SENP7: variants seen among roughly 807,000 people sequenced by gnomAD.
SENP7 encodes sentrin-specific protease 7.
A neutral mutation model predicts 141.2 loss-of-function variants in SENP7; 64 were observed. That is an observed-to-expected ratio of 0.45 (90% CI 0.37 to 0.56). SENP7 has a LOEUF of 0.56. Among genes scored for constraint, SENP7 ranks in the 20% least tolerant of loss-of-function variants. The probability of loss-of-function intolerance (pLI) is 0.00; values close to 1 mark genes in which losing one functional copy is unlikely to be tolerated. For missense variants in SENP7, 1,025 were observed against 1,212.2 expected (o/e 0.85, Z 2.29); for synonymous variants, 382 against 426.4 (o/e 0.90, Z 1.28).
intron 5 of SENP7, among the ~76,000 whole-genome samples, chr3:101,401,207 G>A (rs1197247855): frequency 6.6e-6 from 1 of 152,056 alleles, no homozygotes; most frequent in Non-Finnish European, 1.5e-5. Flanking sequence ...TTGTGAATGA[G>A]AAAGAATAGT....
At chr3:101,404,156 A>G (rs187705218) in intron 5 of SENP7, among the ~76,000 whole-genome samples, 1 of 152,206 alleles carries the variant, frequency 6.6e-6, no homozygotes, top group East Asian at 1.9e-4. Context: ...ATCACCTTAC[A>G]TCCCTTCAAA....
chr3:101,386,842 G>A (rs562872185), intron 6 of SENP7, among the ~76,000 whole-genome samples: 4 of 152,340 alleles, frequency 2.6e-5, no homozygotes, highest in South Asian at 2.1e-4. Flanking sequence ...AGAGGGTCTG[G>A]GGACCAGCCT....
chr3:101,416,149 A>G (rs1474833676), intron 5 of SENP7, among the ~76,000 whole-genome samples: 1 of 152,204 alleles, frequency 6.6e-6, no homozygotes, highest in Non-Finnish European at 1.5e-5. Context: ...AGCTGAGGAA[A>G]GAGGTCTGGA....
At chr3:101,412,778 T>C (rs938234557) in intron 5 of SENP7, among the ~76,000 whole-genome samples, 10 of 152,218 alleles carry the variant, frequency 6.6e-5, no homozygotes, top group African/African-American at 9.6e-5. Context: ...CAAAGACTTA[T>C]AGATGTCTGG....
intron 17 of SENP7, among the ~76,000 whole-genome samples, chr3:101,334,382 G>A (rs2059132530): frequency 6.6e-6 from 1 of 152,052 alleles, no homozygotes; most frequent in African/African-American, 2.4e-5. Flanking sequence ...GTGACTTCTG[G>A]CTCAGTCCCT....
chr3:101,413,748 G>T lies in SENP7; in HGVS notation c.482+3845C>A, dbSNP rs185275263. Among the ~76,000 whole-genome samples, 631 of 151,324 alleles carry T rather than the reference G, an allele frequency of 4.2e-3. 3 individuals carry two copies. The highest frequency in any genetic ancestry group is 6.8e-3 in the Non-Finnish European group (460 of 67,772). On this transcript the variant is annotated intron_variant, in intron 5 of 23. Coordinates refer to ENST00000394095, the MANE Select transcript of SENP7 (RefSeq NM_020654.5). ...AAAAAAAAAAGGGAGGGGGGGGATA[G>T]TTTCCAAGACAAGAAAACAAACAGG...
intron 3 of SENP7, among the ~76,000 whole-genome samples, chr3:101,461,734 T>C (rs1436163990): frequency 6.6e-6 from 1 of 152,094 alleles, no homozygotes; most frequent in African/African-American, 2.4e-5. Flanking sequence ...AGAAGCATTA[T>C]TCAATAACAG....
Position 101,330,214 on chromosome 3 carries a change from A to G in SENP7, c.2751+120T>C, listed in dbSNP as rs73863048. The G allele has an allele frequency of 4.9e-3, 2,924 of 600,330 alleles. 78 individuals are homozygous for G. Among genetic ancestry groups the G allele is most frequent in the African/African-American group, 0.049 (2,553 of 52,494 alleles). The allele number at this position is 600,330 out of a possible 1,614,324, so 37.2% of individuals were successfully genotyped here. A position where few individuals can be genotyped will look rare whatever the true frequency, so the allele number is the denominator to read the frequency against. The stretch of plus-strand genomic sequence containing the variant: ...GCCCCACAAAAACTGTCAAAGAATC[A>G]CAAAGCAGCACAATCTAATGATGGG... On this transcript the variant is annotated intron_variant, in intron 20 of 23. Coordinates refer to ENST00000394095, the MANE Select transcript of SENP7 (RefSeq NM_020654.5).
intron 3 of SENP7, among the ~76,000 whole-genome samples, chr3:101,466,994 C>T (rs1375175801): frequency 1.3e-5 from 2 of 152,206 alleles, no homozygotes; most frequent in African/African-American, 4.8e-5. Flanking sequence ...CTGCACTTTT[C>T]CCAAGGTCTT....
chr3:101,452,816 A>G, intron 4 of SENP7, among the ~76,000 whole-genome samples: 1 of 152,234 alleles, frequency 6.6e-6, no homozygotes, highest in Non-Finnish European at 1.5e-5. Flanking sequence ...CAAGGACTTC[A>G]TGTCGAAAAC....
chr3:101,407,706 C>T (rs2061343915), intron 5 of SENP7, among the ~76,000 whole-genome samples: 1 of 152,116 alleles, frequency 6.6e-6, no homozygotes, highest in Non-Finnish European at 1.5e-5. Flanking sequence ...AAAATGAAAT[C>T]AAGATGGAAA....
chr3:101,432,628 A>T (rs1345645503), intron 4 of SENP7, among the ~76,000 whole-genome samples: 2 of 152,206 alleles, frequency 1.3e-5, no homozygotes, highest in African/African-American at 2.4e-5. Context: ...GGAAAAGAAC[A>T]AGAGTCTCTG....
chr3:101,345,889 G>T (rs1031748167), intron 13 of SENP7, among the ~76,000 whole-genome samples: 9 of 152,090 alleles, frequency 5.9e-5, no homozygotes, highest in Admixed American at 4.6e-4. Context: ...ACCCAAAAGC[G>T]AATGCAACCA....
At chr3:101,450,978 T>C (rs949159885) in intron 4 of SENP7, among the ~76,000 whole-genome samples, 1 of 151,424 alleles carries the variant, frequency 6.6e-6, no homozygotes, top group African/African-American at 2.4e-5. Context: ...GCAAGACTAA[T>C]AAAGAAGAAA....
intron 17 of SENP7, among the ~76,000 whole-genome samples, chr3:101,334,036 C>T (rs1576810078): frequency 1.3e-5 from 2 of 152,302 alleles, no homozygotes. Flanking sequence ...AGGGTTCGCG[C>T]TCCTGTGAGT....
intron 5 of SENP7, among the ~76,000 whole-genome samples, chr3:101,410,019 T>C (rs1165038011): frequency 6.6e-6 from 1 of 151,796 alleles, no homozygotes; most frequent in African/African-American, 2.4e-5. Flanking sequence ...TGGGAAAAAA[T>C]CTTCACAATG....
chr3:101,401,020 C>A (rs2061123736), intron 5 of SENP7, among the ~76,000 whole-genome samples: 1 of 151,826 alleles, frequency 6.6e-6, no homozygotes, highest in Non-Finnish European at 1.5e-5. Flanking sequence ...ATCACTTGAC[C>A]CCAGGAGTTC....
chr3:101,431,983 C>T (rs909941351), intron 4 of SENP7, among the ~76,000 whole-genome samples: 1 of 152,184 alleles, frequency 6.6e-6, no homozygotes, highest in Admixed American at 6.5e-5. Context: ...ACCAAAGAGG[C>T]TCTTGGGGTC....
chr3:101,328,025 T>C (rs1006613482), intron 22 of SENP7, among the ~76,000 whole-genome samples: 4 of 152,178 alleles, frequency 2.6e-5, no homozygotes, highest in Non-Finnish European at 4.4e-5. Context: ...AAGTAAAAGC[T>C]AGACTTTTTT....
Sources: allele counts gnomAD v4.1 joint callset (sites outside exome capture counted in the v4.1 genomes callset), GRCh38; gene constraint gnomAD v4.1.1; transcripts MANE v1.5; gene names NCBI Gene and HGNC (gene_info 2026-07-23, HGNC 2026-07-21).